Variants in CARMIL1 observed in about 807,000 individuals in gnomAD.
CARMIL1 encodes F-actin-uncapping protein LRRC16A.
Under a neutral mutation model 177.1 loss-of-function variants are expected in CARMIL1, and 90 were observed. That is an observed-to-expected ratio of 0.51 (90% CI 0.43 to 0.61). CARMIL1 has a LOEUF of 0.61. CARMIL1 is among the 20% of genes least tolerant of loss of function. CARMIL1 has a pLI of 0.00. For synonymous variants in CARMIL1, 577 were observed against 606.2 expected, an observed-to-expected ratio of 0.95 and a Z score of 0.71; for missense variants, 1,380 against 1,667.0, an observed-to-expected ratio of 0.83 and a Z score of 3.00.
intron 24 of CARMIL1, among the ~76,000 whole-genome samples, chr6:25,531,696 G>A (rs1490521458): frequency 1.3e-5 from 2 of 152,064 alleles, no homozygotes; most frequent in South Asian, 2.1e-4. Context: ...GTATTTTATG[G>A]TTTACTATTA....
rs540969700 is a variant in CARMIL1, at chr6:25,344,498, T to C, written c.138+59589T>C. Among the ~76,000 whole-genome samples the C allele has an allele frequency of 3.9e-5, 6 of 152,328 alleles. No homozygotes were observed. In the South Asian group the frequency reaches 1.0e-3, roughly 26 times the overall value. On this transcript the variant is annotated intron_variant, in intron 2 of 36. Coordinates refer to ENST00000329474, the MANE Select transcript of CARMIL1 (RefSeq NM_017640.6). The stretch of plus-strand genomic sequence containing the variant: ...CTTGCACCCATGAGGCCAAATGTGC[T>C]TGGAGAATACCACAGCACCATATTG...
chr6:25,375,832 G>A (rs1079960), intron 2 of CARMIL1, among the ~76,000 whole-genome samples: 7,254 of 152,054 alleles, frequency 0.048, 397 homozygotes, highest in East Asian at 0.27. Flanking sequence ...CCAGAAGTTC[G>A]GATTGGTTTT....
chr6:25,548,881 G>A (rs1322558883), intron 26 of CARMIL1, among the ~76,000 whole-genome samples: 1 of 152,168 alleles, frequency 6.6e-6, no homozygotes, highest in African/African-American at 2.4e-5. Context: ...CTTATGTCCT[G>A]TGAGCCCCAG....
At chr6:25,390,303 T>A (rs1403377245) in intron 2 of CARMIL1, among the ~76,000 whole-genome samples, 2 of 46,590 alleles carry the variant, frequency 4.3e-5, no homozygotes, top group Non-Finnish European at 4.7e-5. Flanking sequence ...CATATATATA[T>A]ATATATATAT....
chr6:25,537,874 T>G lies in CARMIL1; in HGVS notation c.2087T>G (p.Val696Gly). Residue 696 changes from valine to glycine, a missense_variant, in exon 25 of 37, where the codon GTG (valine) becomes GGG (glycine). Transcript: ENST00000329474. ...TTQQMIDRIC[V>G]KVQDHLNSLR... ...GAGCAGATGATTGACAGAATATGTGTGAAAGTACAAGATCATCTCAACTCC... is the reference window on the plus strand; with the variant it reads ...GAGCAGATGATTGACAGAATATGTGGGAAAGTACAAGATCATCTCAACTCC... 6.2e-7 allele frequency: 1 copy of G among 1,610,964 alleles called. No individual in the cohort carries two copies. The highest frequency in any genetic ancestry group is 8.5e-7 in the Non-Finnish European group (1 of 1,178,808).
rs770460710 is a variant in CARMIL1 at position 25,600,276 on chromosome 6, G to GT, written c.3120-37dup. 7 of 1,544,928 alleles carry GT rather than the reference G, an allele frequency of 4.5e-6. No homozygotes were observed. The East Asian group carries it at 1.4e-4, about 30-fold the overall frequency. The stretch of plus-strand genomic sequence containing the variant: ...TGATTCTTGCTGGAACTTATTTACA[G>GT]TAAAAACAACAGATCTGTGTCTTGG... On this transcript the variant is annotated intron_variant, in intron 32 of 36. Transcript: ENST00000329474.
At position 25,284,674 on chromosome 6, in the gene CARMIL1, A is replaced by AC. The variant is rs542234223; in HGVS notation, c.41-137dup. On this transcript the variant is annotated intron_variant, in intron 1 of 36. Coordinates refer to ENST00000329474, the MANE Select transcript of CARMIL1 (RefSeq NM_017640.6). ...CAGTGAGCCAAGATCTCACCACTGC[A>AC]CTCCAGCCTGGGTGACAGAGTAAGA... is the stretch of plus-strand genomic sequence containing the variant. The AC allele has an allele frequency of 4.2e-5, 23 of 552,356 alleles. 1 individual carries two copies. In the Admixed American group the frequency reaches 4.9e-4, roughly 12 times the overall value. The allele number at this position is 552,356 out of a possible 1,614,324, so 34.2% of individuals were successfully genotyped here. A position where few individuals can be genotyped will look rare whatever the true frequency, so the allele number is the denominator to read the frequency against.
chr6:25,377,867 G>A (rs1791147303), intron 2 of CARMIL1, among the ~76,000 whole-genome samples: 1 of 152,182 alleles, frequency 6.6e-6, no homozygotes, highest in Non-Finnish European at 1.5e-5. Context: ...AGTACCAGCT[G>A]TGGTGGTGGT....
chr6:25,499,958 C>G (rs1000423138), intron 16 of CARMIL1, among the ~76,000 whole-genome samples: 2 of 152,192 alleles, frequency 1.3e-5, no homozygotes, highest in Non-Finnish European at 2.9e-5. Flanking sequence ...GCCTGTCAGG[C>G]AAAAAGAATG....
intron 29 of CARMIL1, among the ~76,000 whole-genome samples, chr6:25,562,483 A>G (rs529867194): frequency 1.3e-4 from 20 of 152,044 alleles, no homozygotes; most frequent in African/African-American, 4.8e-4. Context: ...TCCTGACCTC[A>G]TGATCCACCT....
At chr6:25,502,551 C>A (rs370959746) in intron 17 of CARMIL1, among the ~76,000 whole-genome samples, 38 of 142,324 alleles carry the variant, frequency 2.7e-4, no homozygotes, top group Admixed American at 2.8e-4. Context: ...GACTCTATCT[C>A]AAAAAAAAAA....
chr6:25,550,863 C>T (rs755639568), intron 26 of CARMIL1, 47 bp from the exon 27 acceptor site: 35 of 1,533,942 alleles, frequency 2.3e-5, no homozygotes, highest in Middle Eastern at 1.7e-4. Context: ...GCGGGCACCT[C>T]GGGTGCAGTG....
intron 8 of CARMIL1, chr6:25,452,361 T>C: frequency 1.6e-6 from 1 of 628,352 alleles, no homozygotes; most frequent in Non-Finnish European, 2.8e-6. Flanking sequence ...GAAAATATTT[T>C]ACTTTGTAAG....
chr6:25,539,868 C>G, intron 25 of CARMIL1, 79 bp from the exon 26 acceptor site: 1 of 1,105,764 alleles, frequency 9.0e-7, no homozygotes, highest in Non-Finnish European at 1.3e-6. Context: ...ATTCCTTCAC[C>G]CTTCTCATTC....
chr6:25,379,715 C>T (rs1791343710), intron 2 of CARMIL1, among the ~76,000 whole-genome samples: 1 of 152,182 alleles, frequency 6.6e-6, no homozygotes, highest in African/African-American at 2.4e-5. Flanking sequence ...TGAGTCTCCT[C>T]AGGGGCCGGG....
chr6:25,449,327 A>C (rs1309251584), intron 5 of CARMIL1, among the ~76,000 whole-genome samples: 1 of 152,114 alleles, frequency 6.6e-6, no homozygotes, highest in Non-Finnish European at 1.5e-5. Flanking sequence ...ACTTTTAACC[A>C]CTACTCTGTC....
At chr6:25,389,858 G>A (rs976810073) in intron 2 of CARMIL1, among the ~76,000 whole-genome samples, 3 of 152,184 alleles carry the variant, frequency 2.0e-5, no homozygotes, top group South Asian at 2.1e-4. Flanking sequence ...TGAGTTTCCT[G>A]CCTAGGAAAA....
chr6:25,557,967 A>C (rs976611799), intron 29 of CARMIL1, among the ~76,000 whole-genome samples: 5 of 152,326 alleles, frequency 3.3e-5, no homozygotes, highest in African/African-American at 1.2e-4. Context: ...TCACTAAATA[A>C]GGCTGAAAAA....
In CARMIL1 at chr6:25,491,721, T is replaced by G. The variant is rs1803253990; in HGVS notation, c.1066-11T>G. 6.5e-7 allele frequency: 1 copy of G among 1,549,820 alleles called. No individual in the cohort carries two copies. On this transcript the variant is annotated splice_polypyrimidine_tract_variant and intron_variant, in intron 13 of 36. Coordinates refer to ENST00000329474, the MANE Select transcript of CARMIL1 (RefSeq NM_017640.6). ...TAGAATCCTAACATTTATCTTTTAT[T>G]TTTTTTCAAGCACATGTATAATTTT...
Sources: gnomAD v4.1 joint callset for allele counts (sites outside exome capture counted in the v4.1 genomes callset) on GRCh38, gnomAD v4.1.1 for gene constraint, MANE v1.5 for transcripts, NCBI Gene and HGNC (gene_info 2026-07-23, HGNC 2026-07-21) for gene names.